The following ANK3 variants were observed in gnomAD, a reference collection of about 807,000 sequenced individuals.
ANK3 encodes the protein ankyrin 3.
In ANK3, 57 loss-of-function variants were observed where a neutral mutation model predicts 370.9. That is an observed-to-expected ratio of 0.15 (90% CI 0.12 to 0.19). The LOEUF (loss-of-function observed/expected upper bound fraction) is 0.19. Ranked by LOEUF, ANK3 falls within the 10% of genes least tolerant of loss-of-function variation. ANK3 has a pLI of 1.00. For synonymous variants in ANK3, 1,929 were observed against 1,946.3 expected (o/e 0.99, Z 0.23); for missense variants, 4,439 against 5,302.1 (o/e 0.84, Z 5.06).
intron 1 of ANK3, among the ~76,000 whole-genome samples, chr10:60,309,454 T>C (rs540126889): frequency 1.2e-3 from 181 of 152,346 alleles, no homozygotes; most frequent in African/African-American, 4.2e-3. Flanking sequence ...TCTGCTGTCA[T>C]GCATAATAAG....
chr10:60,236,951 G>A (rs894849382), intron 7 of ANK3, among the ~76,000 whole-genome samples: 16 of 152,198 alleles, frequency 1.1e-4, no homozygotes, highest in African/African-American at 1.9e-4. Context: ...AAATGGGAGC[G>A]GTTGTGTTTC....
chr10:60,410,744 G>A (rs531245491), intron 2 of ANK3, among the ~76,000 whole-genome samples: 16 of 150,134 alleles, frequency 1.1e-4, no homozygotes, highest in Non-Finnish European at 2.1e-4. Context: ...ATAGCTCACC[G>A]CATCCTCAAA....
At chr10:60,468,569 C>T (rs10994364) in intron 2 of ANK3, among the ~76,000 whole-genome samples, 34,619 of 151,818 alleles carry the variant, frequency 0.23, 4,282 homozygotes, top group East Asian at 0.48. Context: ...CAAAATTTTT[C>T]CCTGACCAAT....
At chr10:60,414,704 A>G (rs751153569) in intron 2 of ANK3, among the ~76,000 whole-genome samples, 3 of 152,128 alleles carry the variant, frequency 2.0e-5, no homozygotes, top group Non-Finnish European at 1.5e-5. Flanking sequence ...CTTACTTTAT[A>G]TATTACTGGA....
rs967658785 is a variant in ANK3, at chr10:60,223,483, C to A, written c.898-9973G>T. 3.3e-5 allele frequency among the ~76,000 whole-genome samples: 5 copies of A among 152,058 alleles called. No homozygotes were observed. The East Asian group carries it at 9.6e-4, about 29-fold the overall frequency. ...TAGTTTATCTCTGAGGACAAGATTA[C>A]CAGCTTAAGGGATAAATGAATCTTA... On this transcript the variant is annotated intron_variant, in intron 8 of 43. Transcript: ENST00000280772.
chr10:60,636,479 G>A (rs781020876), intron 1 of ANK3, among the ~76,000 whole-genome samples: 1 of 152,138 alleles, frequency 6.6e-6, no homozygotes, highest in East Asian at 1.9e-4. Flanking sequence ...TGGTTTTTCA[G>A]TACAAAATAC....
intron 1 of ANK3, among the ~76,000 whole-genome samples, chr10:60,673,836 G>A (rs1272835154): frequency 2.0e-5 from 3 of 152,204 alleles, no homozygotes; most frequent in African/African-American, 7.2e-5. Flanking sequence ...GGGGAAGGAA[G>A]AATATTCAGA....
At chr10:60,713,003 G>C (rs1330104619) in intron 1 of ANK3, among the ~76,000 whole-genome samples, 1 of 152,184 alleles carries the variant, frequency 6.6e-6, no homozygotes, top group Non-Finnish European at 1.5e-5. Context: ...AAATCCACAA[G>C]TACGGTGGAG....
At chr10:60,696,469 ATATCC>A in intron 1 of ANK3, among the ~76,000 whole-genome samples, 1 of 151,522 alleles carries the variant, frequency 6.6e-6, no homozygotes, top group African/African-American at 2.4e-5. Context: ...TTTTAGACCA[ATATCC>A]TTGATGAACA....
intron 1 of ANK3, among the ~76,000 whole-genome samples, chr10:60,677,470 T>C (rs2133387233): frequency 6.8e-6 from 1 of 147,260 alleles, no homozygotes; most frequent in South Asian, 2.2e-4. Flanking sequence ...ATCTTTGGTT[T>C]AGAGGCTGCA....
chr10:60,240,239 T>C (rs2097425385), intron 7 of ANK3, among the ~76,000 whole-genome samples: 1 of 144,324 alleles, frequency 6.9e-6, no homozygotes, highest in Non-Finnish European at 1.5e-5. Context: ...CACATATATA[T>C]ACACACATAT....
intron 29 of ANK3, among the ~76,000 whole-genome samples, 194 bp from the exon 30 acceptor site, chr10:60,087,078 A>G (rs886284134): frequency 4.6e-5 from 7 of 151,840 alleles, no homozygotes; most frequent in African/African-American, 1.7e-4. Flanking sequence ...ACACTATGAC[A>G]GGAATTGGTC....
intron 8 of ANK3, among the ~76,000 whole-genome samples, chr10:60,229,576 C>T (rs1006973203): frequency 6.6e-6 from 1 of 152,144 alleles, no homozygotes; most frequent in African/African-American, 2.4e-5. Flanking sequence ...TCCCCTGACA[C>T]CTTCCCAGGC....
intron 43 of ANK3, among the ~76,000 whole-genome samples, chr10:60,041,273 C>T (rs770747696): frequency 6.6e-6 from 1 of 152,142 alleles, no homozygotes; most frequent in Non-Finnish European, 1.5e-5. Context: ...AGTGGTTTCC[C>T]ACTGCTTTTC....
At chr10:60,034,475 T>A (rs2074466996) in intron 43 of ANK3, among the ~76,000 whole-genome samples, 1 of 152,210 alleles carries the variant, frequency 6.6e-6, no homozygotes, top group African/African-American at 2.4e-5. Context: ...ACTTTGAGGA[T>A]CTAGATTACA....
intron 8 of ANK3, among the ~76,000 whole-genome samples, chr10:60,220,143 T>C (rs551329732): frequency 6.6e-6 from 1 of 152,118 alleles, no homozygotes; most frequent in Non-Finnish European, 1.5e-5. Flanking sequence ...AATAATCACA[T>C]CCACTTTCCA....
At chr10:60,215,577 G>A (rs531374145) in intron 8 of ANK3, among the ~76,000 whole-genome samples, 6 of 152,242 alleles carry the variant, frequency 3.9e-5, no homozygotes, top group Non-Finnish European at 8.8e-5. Context: ...TTCTGCATAT[G>A]TCTAGCCGGT....
chr10:60,074,408 A>G lies in ANK3; in HGVS notation c.6473T>C (p.Ile2158Thr), dbSNP rs77740274. The change falls in exon 37 of 44, where the codon ATC (isoleucine) becomes ACC (threonine). Residue 2158 changes from isoleucine (I) to threonine (T), a missense_variant. Around this residue, in one of 13 missense-constraint regions of ANK3, gnomAD observed 1,601 missense variants for 1,731.7 expected, o/e 0.92. Transcript: ENST00000280772. ...TCTTGTTTCTGTAATGACAGGAGGG[A>G]TGGGAACTTCATGAAAAAGTGGTTT... is the stretch of plus-strand genomic sequence containing the variant. The part of the protein sequence containing the change: ...GPKPLFHEVP[I>T]PPVITETRTE... 1,878 of 1,614,056 alleles carry G rather than the reference A, an allele frequency of 1.2e-3. 22 individuals are homozygous for G. In the African/African-American group the frequency reaches 0.023, roughly 20 times the overall value.
intron 7 of ANK3, among the ~76,000 whole-genome samples, chr10:60,240,056 C>T (rs201709143): frequency 6.1e-4 from 31 of 50,650 alleles, no homozygotes; most frequent in East Asian, 1.9e-3. Flanking sequence ...TACATATATA[C>T]ACATATATAC....
Sources: allele counts gnomAD v4.1 joint callset (sites outside exome capture counted in the v4.1 genomes callset), GRCh38; gene constraint gnomAD v4.1.1; regional missense constraint gnomAD v4.1.1; transcripts MANE v1.5; gene names NCBI Gene and HGNC (gene_info 2026-07-23, HGNC 2026-07-21).